Variants in GALNT10 observed in about 807,000 individuals in gnomAD.
The protein encoded by GALNT10 is GalNAc transferase 10.
Under a neutral mutation model 75.0 loss-of-function variants are expected in GALNT10, and 41 were observed. That is an observed-to-expected ratio of 0.55 (90% CI 0.43 to 0.71). The LOEUF is 0.71. Ranked by LOEUF, GALNT10 falls within the 30% of genes least tolerant of loss-of-function variation. GALNT10 has a pLI of 0.00. For missense variants in GALNT10, 727 were observed against 818.5 expected (o/e 0.89, Z 1.36); for synonymous variants, 302 against 313.0 (o/e 0.96, Z 0.37).
intron 4 of GALNT10, among the ~76,000 whole-genome samples, chr5:154,340,133 T>A (rs1387303470): frequency 1.3e-5 from 2 of 152,242 alleles, no homozygotes; most frequent in African/African-American, 4.8e-5. Flanking sequence ...CCTTAATAAC[T>A]AACCTGCTCT....
intron 1 of GALNT10, chr5:154,219,324 G>A (rs1301773981): frequency 2.6e-5 from 4 of 152,840 alleles, no homozygotes; most frequent in Non-Finnish European, 5.8e-5. Context: ...GTGGGTTCCT[G>A]TGGTGTCCTG....
chr5:154,244,892 T>C (rs1405150957), intron 1 of GALNT10, among the ~76,000 whole-genome samples: 1 of 152,194 alleles, frequency 6.6e-6, no homozygotes, highest in Non-Finnish European at 1.5e-5. Flanking sequence ...TCACCATTTT[T>C]GGTGGTCTCA....
intron 1 of GALNT10, among the ~76,000 whole-genome samples, chr5:154,206,122 C>T (rs1333988750): frequency 6.6e-6 from 1 of 152,184 alleles, no homozygotes; most frequent in Non-Finnish European, 1.5e-5. Context: ...TTAATCTCTT[C>T]TAGCTACTTA....
At chr5:154,200,416 C>G (rs1396473946) in intron 1 of GALNT10, among the ~76,000 whole-genome samples, 2 of 152,098 alleles carry the variant, frequency 1.3e-5, no homozygotes, top group Non-Finnish European at 2.9e-5. Context: ...GGGGTTTCTT[C>G]GAGGGAACAG....
chr5:154,251,664 A>G (rs2113017358), intron 1 of GALNT10, among the ~76,000 whole-genome samples: 1 of 152,294 alleles, frequency 6.6e-6, no homozygotes, highest in Admixed American at 6.5e-5. Flanking sequence ...TCCTTGTGAC[A>G]TGACCTCAGT....
intron 1 of GALNT10, among the ~76,000 whole-genome samples, chr5:154,228,866 T>A (rs1753104263): frequency 6.6e-6 from 1 of 152,246 alleles, no homozygotes. Flanking sequence ...CACTTAACTC[T>A]GGGTTCTCAT....
chr5:154,320,791 T>C (rs1463687103), intron 3 of GALNT10, among the ~76,000 whole-genome samples: 3 of 152,108 alleles, frequency 2.0e-5, no homozygotes, highest in Non-Finnish European at 4.4e-5. Flanking sequence ...AGAGAGGATG[T>C]GAAGGAAGTC....
intron 1 of GALNT10, among the ~76,000 whole-genome samples, chr5:154,216,649 A>G (rs963615711): frequency 2.6e-5 from 4 of 152,240 alleles, no homozygotes; most frequent in African/African-American, 7.2e-5. Flanking sequence ...AAGTCTTACC[A>G]ATTGAAAGAC....
chr5:154,253,976 A>G (rs1333336773), intron 1 of GALNT10, among the ~76,000 whole-genome samples: 2 of 152,064 alleles, frequency 1.3e-5, no homozygotes, highest in African/African-American at 4.8e-5. Flanking sequence ...TGGACCTTCT[A>G]CACTCACCCA....
chr5:154,255,638 A>G (rs987856107), intron 1 of GALNT10, among the ~76,000 whole-genome samples: 2 of 152,128 alleles, frequency 1.3e-5, no homozygotes, highest in African/African-American at 2.4e-5. Flanking sequence ...CAAGAAAATG[A>G]TAAAGCAGGG....
chr5:154,413,196 C>T (rs1003873627), intron 10 of GALNT10, among the ~76,000 whole-genome samples, 191 bp downstream of exon 10: 1 of 152,316 alleles, frequency 6.6e-6, no homozygotes. Context: ...ATAAAACCAT[C>T]AGTCTGGACC....
chr5:154,202,203 C>T (rs1056279897), intron 1 of GALNT10, among the ~76,000 whole-genome samples: 1 of 152,194 alleles, frequency 6.6e-6, no homozygotes, highest in Non-Finnish European at 1.5e-5. Context: ...GGCAGCTGAA[C>T]ATAGCCACTC....
In GALNT10 at chr5:154,412,621, A is replaced by T. The variant is rs909957271; in HGVS notation, c.1387-268A>T. The T allele has an allele frequency of 1.1e-5, 4 of 359,548 alleles. No homozygotes were observed. Among genetic ancestry groups the T allele is most frequent in the African/African-American group, 8.7e-5 (4 of 45,758 alleles). The allele number at this position is 359,548 out of a possible 1,614,324, so 22.3% of individuals were successfully genotyped here. On this transcript the variant is annotated intron_variant, in intron 9 of 11. Coordinates refer to ENST00000297107, the MANE Select transcript of GALNT10 (RefSeq NM_198321.4). This position sits in a 1 kb window ranked among gnomAD's most constrained non-coding sequence, Gnocchi z 4.2. ...CCAGGGAGTCCTTTACCAACTCCTC[A>T]CCTCCACTCCCCCACCACCAACCCA...
At chr5:154,191,592 C>G (rs1774861912) in intron 1 of GALNT10, among the ~76,000 whole-genome samples, 1 of 152,180 alleles carries the variant, frequency 6.6e-6, no homozygotes, top group Non-Finnish European at 1.5e-5. Flanking sequence ...TTTCCTTTCT[C>G]AGATCCTGTG....
intron 3 of GALNT10, among the ~76,000 whole-genome samples, chr5:154,315,500 G>A (rs543231845): frequency 6.6e-6 from 1 of 152,340 alleles, no homozygotes; most frequent in Non-Finnish European, 1.5e-5. Flanking sequence ...CCTCTGTGTA[G>A]CTCTGTCTGC....
chr5:154,311,830 C>T (rs756725355), intron 3 of GALNT10, among the ~76,000 whole-genome samples: 3 of 152,070 alleles, frequency 2.0e-5, no homozygotes, highest in Non-Finnish European at 4.4e-5. Context: ...AGGCTGGTCT[C>T]AAACTCCTGG....
Position 154,412,961 on chromosome 5 carries a change from G to A in GALNT10, c.1459G>A (p.Gly487Ser). Residue 487 changes from glycine to serine, a missense_variant, in exon 10 of 12, where the codon GGC becomes AGC. By Grantham distance (56) the Gly-to-Ser change is moderately conservative (BLOSUM62 0). Coordinates refer to ENST00000297107, the MANE Select transcript of GALNT10 (RefSeq NM_198321.4). This position sits in a 1 kb window ranked among gnomAD's most constrained non-coding sequence, Gnocchi z 4.2. The part of the protein sequence containing the change: ...GALGSPLRLE[G>S]CVRGRGEAAW... Reference sequence around the variant, plus strand: ...CTTGGGCTCCCCACTAAGGCTAGAGGGCTGCGTCCGAGGCCGTGGGGAGGC... The same window carrying A: ...CTTGGGCTCCCCACTAAGGCTAGAGAGCTGCGTCCGAGGCCGTGGGGAGGC... The A allele has an allele frequency of 7.4e-6, 12 of 1,613,602 alleles. No homozygotes were observed. The highest frequency in any genetic ancestry group is 1.0e-5 in the Non-Finnish European group (12 of 1,179,780).
At chr5:154,414,463 G>GT (rs2113227174) in intron 10 of GALNT10, among the ~76,000 whole-genome samples, 1 of 152,312 alleles carries the variant, frequency 6.6e-6, no homozygotes, top group East Asian at 1.9e-4. Flanking sequence ...ATTATGTTGA[G>GT]TGAAAGAATG....
At chr5:154,324,759 T>TG (rs1226587326) in intron 3 of GALNT10, among the ~76,000 whole-genome samples, 1 of 152,206 alleles carries the variant, frequency 6.6e-6, no homozygotes, top group East Asian at 1.9e-4. Flanking sequence ...CTCTCGGTGA[T>TG]GCTACCACTT....
Sources: gnomAD v4.1 joint callset for allele counts (sites outside exome capture counted in the v4.1 genomes callset) on GRCh38, gnomAD v4.1.1 for gene constraint, Gnocchi (gnomAD v3.1) non-coding constraint, MANE v1.5 for transcripts, NCBI Gene and HGNC (gene_info 2026-07-23, HGNC 2026-07-21) for gene names.